The following POLE variants were observed in gnomAD, a reference collection of about 807,000 sequenced individuals.
The protein encoded by POLE is DNA polymerase epsilon, catalytic subunit.
A neutral mutation model predicts 279.2 loss-of-function variants in POLE; 188 were observed. That is an observed-to-expected ratio of 0.67 (90% confidence interval 0.60 to 0.76). The LOEUF is 0.76. Among genes scored for constraint, POLE ranks in the 30% least tolerant of loss-of-function variants. The probability of loss-of-function intolerance (pLI) is 0.00; values close to 1 mark genes in which losing one functional copy is unlikely to be tolerated. For missense variants in POLE, 2,703 were observed against 3,016.7 expected (o/e 0.90, Z 2.44); for synonymous variants, 1,214 against 1,172.5 (o/e 1.04, Z -0.72).
In POLE at chr12:132,624,520, G is replaced by A. The variant is rs909220887; in HGVS notation, c.*177C>T. The A allele has an allele frequency of 6.5e-6, 4 of 619,156 alleles. No homozygotes were observed. Among genetic ancestry groups the A allele is most frequent in the Admixed American group, 5.2e-5 (2 of 38,496 alleles). 38.4% of individuals were successfully genotyped at this position (619,156 alleles called of 1,614,324 possible). Reference sequence around the variant, plus strand: ...CCACATCCTGCTCCCGCTCCCTCCTGTGACGTCTGAGCTCCCTGAAAATGG... The same window carrying A: ...CCACATCCTGCTCCCGCTCCCTCCTATGACGTCTGAGCTCCCTGAAAATGG... On this transcript the variant is annotated 3_prime_UTR_variant, in exon 49 of 49. Transcript: ENST00000320574.
At chr12:132,642,459 G>C (rs367714173) in intron 37 of POLE, 47 bp downstream of exon 37, 1 of 1,600,830 alleles carries the variant, frequency 6.2e-7, no homozygotes, top group Non-Finnish European at 8.5e-7. Flanking sequence ...CACCGAGGCC[G>C]GCTCTGCCTG....
At chr12:132,646,058 A>G (rs10781626) in intron 32 of POLE, among the ~76,000 whole-genome samples, 81,353 of 151,948 alleles carry the variant, frequency 0.54, 23,087 homozygotes, top group African/African-American at 0.72. Flanking sequence ...TTAGTGGCCA[A>G]AAAGCAAGGA....
intron 39 of POLE, chr12:132,641,193 C>T (rs555367338): frequency 4.1e-4 from 162 of 398,076 alleles, no homozygotes; most frequent in Non-Finnish European, 7.0e-4. Flanking sequence ...CATGAACCAC[C>T]GCTGGTGGGT....
At chr12:132,625,879 G>T in intron 46 of POLE, 109 bp from the exon 47 acceptor site, 2 of 1,428,936 alleles carry the variant, frequency 1.4e-6, no homozygotes, top group Non-Finnish European at 9.5e-7. Context: ...GGTGACGGGC[G>T]AGTCTCCTGA....
intron 38 of POLE, 122 bp downstream of exon 38, chr12:132,642,049 GCAGCCT>G: frequency 1.0e-6 from 1 of 984,586 alleles, no homozygotes; most frequent in Non-Finnish European, 1.5e-6. Flanking sequence ...ACCGTCTCCT[GCAGCCT>G]CAGCTCTGAC....
chr12:132,679,762 G>A (rs2043129103), intron 5 of POLE, 111 bp from the exon 6 acceptor site: 10 of 1,300,958 alleles, frequency 7.7e-6, no homozygotes, highest in Admixed American at 2.1e-5. Flanking sequence ...CGACTTCAAG[G>A]CACCTTGTCC....
intron 40 of POLE, chr12:132,638,409 C>A: frequency 8.3e-6 from 2 of 242,342 alleles, no homozygotes; most frequent in Non-Finnish European, 1.6e-5. Flanking sequence ...ACAACTCATT[C>A]GATATTTAAT....
intron 23 of POLE, 28 bp downstream of exon 23, chr12:132,663,976 G>C (rs767451930): frequency 1.8e-5 from 29 of 1,612,966 alleles, no homozygotes; most frequent in Middle Eastern, 3.7e-4. Flanking sequence ...GCCAGCCAGA[G>C]CTTCAGGACC....
In POLE at chr12:132,630,655, G is replaced by GTTGCAGTGAGCTGAGA. The variant is rs2041918612; in HGVS notation, c.6330+1644_6330+1659dup. On this transcript the variant is annotated intron_variant, in intron 45 of 48. Transcript: ENST00000320574. ...AATCCCAGCTAACCAGGAGGCAGAGGTTGCAGTGAGCTGAGATCGCGCCAC... is the reference window on the plus strand; with the variant it reads ...AATCCCAGCTAACCAGGAGGCAGAGGTTGCAGTGAGCTGAGATTGCAGTGAGCTGAGATCGCGCCAC... 2.6e-5 allele frequency among the ~76,000 whole-genome samples: 4 copies of GTTGCAGTGAGCTGAGA among 152,150 alleles called. No individual in the cohort carries two copies. In the South Asian group the frequency reaches 6.2e-4, roughly 24 times the overall value.
rs1013804900 is a variant in POLE at position 132,659,613 on chromosome 12, G to A, written c.3061-104C>T. Reference sequence around the variant, plus strand: ...GCCATGCCCTTCTCTAGCCTGAGACGCAGAAGGCTGCAATTTCAAGAGCTC... The same window carrying A: ...GCCATGCCCTTCTCTAGCCTGAGACACAGAAGGCTGCAATTTCAAGAGCTC... On this transcript the variant is annotated intron_variant, in intron 25 of 48. Transcript: ENST00000320574. 28 of 848,594 alleles carry A rather than the reference G, an allele frequency of 3.3e-5. No individual in the cohort carries two copies. The African/African-American group carries it at 3.9e-4, about 12-fold the overall frequency. 52.6% of individuals were successfully genotyped at this position (848,594 alleles called of 1,614,324 possible). A position where few individuals can be genotyped will look rare whatever the true frequency, so the allele number is the denominator to read the frequency against.
chr12:132,647,193 A>G (rs1164228905), intron 32 of POLE, among the ~76,000 whole-genome samples: 1 of 151,986 alleles, frequency 6.6e-6, no homozygotes, highest in Non-Finnish European at 1.5e-5. Context: ...TTAAAACATT[A>G]AACACTGAGG....
chr12:132,638,215 A>G (rs1365253874), intron 40 of POLE, 76 bp from the exon 41 acceptor site: 3 of 1,440,876 alleles, frequency 2.1e-6, no homozygotes, highest in Non-Finnish European at 2.8e-6. Flanking sequence ...AAAATCCAAG[A>G]GGGAAAAGAG....
chr12:132,674,927 T>C (rs1461198106), intron 12 of POLE, among the ~76,000 whole-genome samples: 2 of 148,248 alleles, frequency 1.3e-5, no homozygotes, highest in South Asian at 2.3e-4. Context: ...TCTGTTGGCA[T>C]TTCCACATCC....
At position 132,668,441 on chromosome 12, in the gene POLE, G is replaced by C. The variant is rs2135975598; in HGVS notation, c.2088C>G (p.Pro696=). The stretch of plus-strand genomic sequence containing the variant: ...GAGCTGGCCCCTCTGGGAACAAGGG[G>C]GGGAACTTCTCTGACTCCAGCTGGT... ...IQHQLESEKF[P]PLFPEGPARA... Residue 696 remains proline (P), a synonymous_variant, in exon 19 of 49, where the codon CCC becomes CCG. Transcript: ENST00000320574. This position sits in a 1 kb window ranked among gnomAD's most constrained non-coding sequence, Gnocchi z 4.0. 6.2e-7 allele frequency: 1 copy of C among 1,612,828 alleles called. No individual in the cohort carries two copies. Among genetic ancestry groups the C allele is most frequent in the Non-Finnish European group, 8.5e-7 (1 of 1,179,294 alleles).
rs1310631132 is a variant in POLE, at chr12:132,632,647, G to A, written c.6136+17C>T. The A allele has an allele frequency of 6.2e-7, 1 of 1,613,896 alleles. No individual in the cohort carries two copies. Among genetic ancestry groups the A allele is most frequent in the Admixed American group, 1.7e-5 (1 of 60,020 alleles). On this transcript the variant is annotated intron_variant, in intron 44 of 48. Coordinates refer to ENST00000320574, the MANE Select transcript of POLE (RefSeq NM_006231.4). ...CTGGCACATGGCAGTGGCCTCAAAA[G>A]ACAAAAGACTGCTCACCGGGAAGGG... is the stretch of plus-strand genomic sequence containing the variant.
At chr12:132,653,281 G>A (rs932880914) in intron 29 of POLE, among the ~76,000 whole-genome samples, 1 of 152,282 alleles carries the variant, frequency 6.6e-6, no homozygotes, top group Non-Finnish European at 1.5e-5. Flanking sequence ...AGGCTGAGGT[G>A]GGAGGATAAC....
intron 29 of POLE, among the ~76,000 whole-genome samples, chr12:132,656,099 TAAAAA>T (rs963788151): frequency 6.6e-6 from 1 of 150,420 alleles, no homozygotes; most frequent in Non-Finnish European, 1.5e-5. Context: ...AGAAAAAAAT[TAAAAA>T]AATAAAAATT....
intron 42 of POLE, 102 bp downstream of exon 42, chr12:132,635,790 G>A (rs2138483030): frequency 8.0e-7 from 1 of 1,245,422 alleles, no homozygotes; most frequent in Non-Finnish European, 1.1e-6. Context: ...AGTGTCTGCT[G>A]CTCACGGCCA....
At chr12:132,669,976 G>C (rs1381170888) in intron 16 of POLE, among the ~76,000 whole-genome samples, 2 of 152,038 alleles carry the variant, frequency 1.3e-5, no homozygotes, top group African/African-American at 4.8e-5. Context: ...CACATCTACA[G>C]AGCTCTCTTC....
Sources: gnomAD v4.1 joint callset for allele counts (sites outside exome capture counted in the v4.1 genomes callset) on GRCh38, gnomAD v4.1.1 for gene constraint, Gnocchi (gnomAD v3.1) non-coding constraint, MANE v1.5 for transcripts, NCBI Gene and HGNC (gene_info 2026-07-23, HGNC 2026-07-21) for gene names.